The following SEMA3A variants were observed in gnomAD, a reference collection of about 807,000 sequenced individuals.
SEMA3A encodes the protein semaphorin 3A.
In SEMA3A, 29 loss-of-function variants were observed where a neutral mutation model predicts 97.9. The observed-to-expected ratio is 0.30, with a 90% CI of 0.22 to 0.40. SEMA3A has a LOEUF of 0.40. Ranked by LOEUF, SEMA3A falls within the 10% of genes least tolerant of loss-of-function variation. The pLI, the probability that SEMA3A is intolerant of heterozygous loss-of-function variation, is 1.00. For missense variants in SEMA3A, 763 were observed against 951.3 expected, an observed-to-expected ratio of 0.80 and a Z score of 2.60; for synonymous variants, 321 against 323.7, an observed-to-expected ratio of 0.99 and a Z score of 0.09.
intron 2 of SEMA3A, among the ~76,000 whole-genome samples, chr7:84,360,280 C>A (rs1220629770): frequency 6.6e-6 from 1 of 152,026 alleles, no homozygotes; most frequent in South Asian, 2.1e-4. Context: ...GCATTTAGTG[C>A]TATAAATTTC....
intron 7 of SEMA3A, among the ~76,000 whole-genome samples, chr7:84,013,339 C>T (rs1017229414): frequency 9.9e-5 from 15 of 152,230 alleles, no homozygotes; most frequent in East Asian, 5.8e-4. Context: ...TTCTATGTAT[C>T]TAACAGTATA....
chr7:84,187,765 ATT>A (rs1562840814), intron 1 of SEMA3A, among the ~76,000 whole-genome samples: 2 of 152,188 alleles, frequency 1.3e-5, no homozygotes, highest in East Asian at 3.9e-4. Flanking sequence ...CAGGCATATT[ATT>A]TGTTAATTTT....
chr7:83,972,699 T>TA (rs1025982796), intron 15 of SEMA3A, among the ~76,000 whole-genome samples: 10 of 152,066 alleles, frequency 6.6e-5, no homozygotes, highest in Non-Finnish European at 1.5e-4. Context: ...AGCAAGCTTT[T>TA]AAAAAAATCT....
intron 1 of SEMA3A, among the ~76,000 whole-genome samples, chr7:84,375,891 C>A (rs1213934730): frequency 6.6e-6 from 1 of 152,094 alleles, no homozygotes; most frequent in African/African-American, 2.4e-5. Context: ...CTACCCTCTG[C>A]TTTTATGAGA....
At chr7:84,477,438 C>CAAAAAAA (rs11335984) in intron 1 of SEMA3A, among the ~76,000 whole-genome samples, 3 of 42,374 alleles carry the variant, frequency 7.1e-5, no homozygotes, top group Non-Finnish European at 1.7e-4. Context: ...GACTCTGTCT[C>CAAAAAAA]AAAAAAAAAA....
rs200340550 is a variant in SEMA3A, at chr7:84,409,054, A to AAT, written c.-245-37156_-245-37155dup. Among the ~76,000 whole-genome samples the AAT allele has an allele frequency of 5.6e-3, 830 of 148,868 alleles. 3 individuals carry two copies. Among genetic ancestry groups the AAT allele is most frequent in the Middle Eastern group, 0.014 (4 of 282 alleles). On this transcript the variant is annotated intron_variant, in intron 1 of 3. Coordinates refer to the SEMA3A transcript ENST00000424555. ...AAACTTAAAGTATAATAATAATAAA[A>AAT]ATATATATATATGTATATATATATT...
At chr7:84,250,886 A>G (rs1799591373) in intron 3 of SEMA3A, among the ~76,000 whole-genome samples, 1 of 152,172 alleles carries the variant, frequency 6.6e-6, no homozygotes, top group Admixed American at 6.5e-5. Flanking sequence ...TTACTTGTCA[A>G]TTATTAAATA....
chr7:84,026,400 A>G (rs1791545113), intron 6 of SEMA3A, among the ~76,000 whole-genome samples: 1 of 152,184 alleles, frequency 6.6e-6, no homozygotes, highest in Non-Finnish European at 1.5e-5. Flanking sequence ...TTTTCTATTA[A>G]AAGTCTTCTC....
chr7:84,280,903 G>A (rs1228713608), intron 3 of SEMA3A, among the ~76,000 whole-genome samples: 1 of 152,046 alleles, frequency 6.6e-6, no homozygotes, highest in African/African-American at 2.4e-5. Flanking sequence ...GAATTTAGTT[G>A]TATTTATTTA....
At chr7:84,478,996 C>T (rs1806374352) in intron 1 of SEMA3A, among the ~76,000 whole-genome samples, 1 of 152,098 alleles carries the variant, frequency 6.6e-6, no homozygotes, top group Admixed American at 6.6e-5. Flanking sequence ...CTAATGTGCT[C>T]CTCAAAACAA....
intron 1 of SEMA3A, among the ~76,000 whole-genome samples, chr7:84,487,416 T>C (rs1806603107): frequency 2.0e-5 from 3 of 152,116 alleles, no homozygotes; most frequent in African/African-American, 7.2e-5. Context: ...GCCAGCAATG[T>C]CTAGGTCTGC....
chr7:84,023,385 T>A (rs1389626935), intron 6 of SEMA3A, among the ~76,000 whole-genome samples: 2 of 152,172 alleles, frequency 1.3e-5, no homozygotes, highest in Admixed American at 1.3e-4. Context: ...TTTCTGAGAA[T>A]GAATCAAATG....
chr7:84,348,660 G>A (rs1802363396), intron 2 of SEMA3A, among the ~76,000 whole-genome samples: 1 of 152,146 alleles, frequency 6.6e-6, no homozygotes, highest in Non-Finnish European at 1.5e-5. Flanking sequence ...CTGGAGACTG[G>A]CATGAAAGAA....
At chr7:84,483,916 C>T (rs1252608086) in intron 1 of SEMA3A, among the ~76,000 whole-genome samples, 3 of 151,760 alleles carry the variant, frequency 2.0e-5, no homozygotes, top group South Asian at 2.1e-4. Flanking sequence ...TGGTGGTGCA[C>T]GCCTGTAATC....
chr7:84,190,994 T>A (rs1798022425), intron 1 of SEMA3A, among the ~76,000 whole-genome samples: 1 of 149,896 alleles, frequency 6.7e-6, no homozygotes, highest in Non-Finnish European at 1.5e-5. Flanking sequence ...CAAATACTGC[T>A]CTGGTGAAAG....
chr7:84,197,872 T>C (rs1047738794), upstream of SEMA3A, among the ~76,000 whole-genome samples: 3 of 151,332 alleles, frequency 2.0e-5, no homozygotes, highest in African/African-American at 7.3e-5. Context: ...CCCGAGTAGC[T>C]GGGACTACAG....
At chr7:84,391,494 C>T (rs1803575415) in intron 1 of SEMA3A, among the ~76,000 whole-genome samples, 1 of 152,028 alleles carries the variant, frequency 6.6e-6, no homozygotes, top group Non-Finnish European at 1.5e-5. Context: ...AGAAAAATAC[C>T]TCCCTCAGTG....
At chr7:84,491,717 T>C (rs1021442418) in intron 1 of SEMA3A, among the ~76,000 whole-genome samples, 4 of 152,150 alleles carry the variant, frequency 2.6e-5, no homozygotes, top group Non-Finnish European at 4.4e-5. Flanking sequence ...AGTTCAAACA[T>C]AGTTTAATGG....
At chr7:84,416,971 T>C (rs1343528506) in intron 1 of SEMA3A, among the ~76,000 whole-genome samples, 4 of 152,150 alleles carry the variant, frequency 2.6e-5, no homozygotes, top group Admixed American at 2.6e-4. Flanking sequence ...TGCTTGTTCG[T>C]TAAGAATCCC....
Sources: gnomAD v4.1 joint callset for allele counts (sites outside exome capture counted in the v4.1 genomes callset) on GRCh38, gnomAD v4.1.1 for gene constraint, MANE v1.5 for transcripts, NCBI Gene and HGNC (gene_info 2026-07-23, HGNC 2026-07-21) for gene names.